The following WDR49 variants were observed in gnomAD, a reference collection of about 807,000 sequenced individuals.
WDR49 encodes the protein WD repeat domain 49, also known as cilia- and flagella-associated protein 337.
A neutral mutation model predicts 119.5 loss-of-function variants in WDR49; 107 were observed. The observed-to-expected ratio is 0.90, with a 90% CI of 0.77 to 1.05. The LOEUF (loss-of-function observed/expected upper bound fraction) is 1.05, where lower values mean the gene tolerates loss of function less well. WDR49 is among the 50% of genes least tolerant of loss of function. WDR49 has a pLI of 0.00. For synonymous variants in WDR49, 425 were observed against 418.8 expected (o/e 1.01, Z -0.18); for missense variants, 1,240 against 1,220.5 (o/e 1.02, Z -0.24).
At chr3:167,657,021 C>G (rs561682800), upstream of WDR49, among the ~76,000 whole-genome samples, 1 of 152,102 alleles carries the variant, frequency 6.6e-6, no homozygotes, top group Non-Finnish European at 1.5e-5. Context: ...TTCTCCCCAC[C>G]GAATAGACAC....
chr3:167,601,603 C>T (rs971454765), intron 7 of WDR49, among the ~76,000 whole-genome samples: 19 of 151,644 alleles, frequency 1.3e-4, no homozygotes, highest in African/African-American at 4.4e-4. Context: ...GGCTCTAGTG[C>T]CATATTTTTT....
intron 2 of WDR49, among the ~76,000 whole-genome samples, chr3:167,642,983 G>A (rs1049410790): frequency 1.3e-5 from 2 of 151,680 alleles, no homozygotes; most frequent in Admixed American, 6.6e-5. Flanking sequence ...AGAGAAGAGG[G>A]GCCGAAGACT....
intron 10 of WDR49, among the ~76,000 whole-genome samples, chr3:167,543,569 G>T (rs1040425801): frequency 6.6e-6 from 1 of 151,812 alleles, no homozygotes; most frequent in African/African-American, 2.4e-5. Context: ...ATGCAGAAAA[G>T]ACATTTGACA....
At chr3:167,546,314 CT>C (rs962188389) in intron 10 of WDR49, among the ~76,000 whole-genome samples, 1 of 151,976 alleles carries the variant, frequency 6.6e-6, no homozygotes, top group Non-Finnish European at 1.5e-5. Context: ...TTAGCTACCA[CT>C]TTCCCCTCAA....
intron 7 of WDR49, 27 bp downstream of exon 7, chr3:167,602,100 A>G (rs766527886): frequency 6.5e-7 from 1 of 1,547,714 alleles, no homozygotes; most frequent in Non-Finnish European, 8.8e-7. Context: ...GCAAAACTAA[A>G]TTAATTAAAA....
intron 17 of WDR49, among the ~76,000 whole-genome samples, chr3:167,503,716 G>A (rs1248175787): frequency 6.6e-6 from 1 of 152,204 alleles, no homozygotes; most frequent in Admixed American, 6.5e-5. Context: ...AAGGTGGCCA[G>A]CAGCAGTGGT....
chr3:167,596,636 C>T (rs1162087625), intron 7 of WDR49, among the ~76,000 whole-genome samples: 107 of 143,704 alleles, frequency 7.4e-4, no homozygotes, highest in African/African-American at 2.3e-3. Context: ...AACCAAACAC[C>T]GCATATTCTC....
chr3:167,598,001 G>A (rs1715572046), intron 7 of WDR49, among the ~76,000 whole-genome samples: 1 of 152,112 alleles, frequency 6.6e-6, no homozygotes, highest in African/African-American at 2.4e-5. Flanking sequence ...GGGCATGATT[G>A]TGTTTTGAAA....
intron 5 of WDR49, among the ~76,000 whole-genome samples, chr3:167,618,134 T>C (rs1716691475): frequency 6.6e-6 from 1 of 152,168 alleles, no homozygotes; most frequent in Non-Finnish European, 1.5e-5. Context: ...GTTCTCTTTC[T>C]CTCTCCCTCA....
chr3:167,542,518 T>G (rs1711908678), intron 10 of WDR49, among the ~76,000 whole-genome samples: 1 of 152,078 alleles, frequency 6.6e-6, no homozygotes, highest in Non-Finnish European at 1.5e-5. Context: ...GAAAATTAAG[T>G]AATCTGCTCC....
intron 7 of WDR49, among the ~76,000 whole-genome samples, chr3:167,585,927 T>C (rs1714791417): frequency 6.6e-6 from 1 of 152,252 alleles, no homozygotes; most frequent in East Asian, 1.9e-4. Flanking sequence ...GCAATTTTTA[T>C]AGGAGGGCAT....
intron 17 of WDR49, 101 bp from the exon 18 acceptor site, chr3:167,500,400 A>T (rs13061345): frequency 0.35 from 493,109 of 1,422,624 alleles, 86,622 homozygotes; most frequent in East Asian, 0.47. Context: ...ACTTTTATAA[A>T]TTTAACCTTC....
At chr3:167,566,754 G>A (rs544490921) in intron 8 of WDR49, 1 of 548,640 alleles carries the variant, frequency 1.8e-6, no homozygotes, top group South Asian at 2.9e-5. Flanking sequence ...ACTACATACT[G>A]TATTCTTACA....
intron 2 of WDR49, chr3:167,633,479 C>T (rs1717465655): frequency 6.6e-6 from 3 of 456,160 alleles, no homozygotes. Context: ...ATCCCAGCTT[C>T]TGTCTTGTCT....
chr3:167,522,932 A>G (rs1159605771), intron 15 of WDR49, among the ~76,000 whole-genome samples: 1 of 152,210 alleles, frequency 6.6e-6, no homozygotes, highest in Non-Finnish European at 1.5e-5. Flanking sequence ...TCTAAAAATT[A>G]TGTGTGTTAT....
At chr3:167,509,594 T>G (rs563321144) in intron 16 of WDR49, among the ~76,000 whole-genome samples, 1 of 152,310 alleles carries the variant, frequency 6.6e-6, no homozygotes, top group African/African-American at 2.4e-5. Flanking sequence ...CCATTTGTAT[T>G]GCTGCTGGAG....
At chr3:167,630,734 G>C (rs935340038) in intron 2 of WDR49, among the ~76,000 whole-genome samples, 3 of 152,100 alleles carry the variant, frequency 2.0e-5, no homozygotes, top group African/African-American at 7.2e-5. Context: ...CTGAACCATT[G>C]TTCCTACGGG....
At chr3:167,602,666 G>A (rs1302712723) in intron 6 of WDR49, among the ~76,000 whole-genome samples, 2 of 152,046 alleles carry the variant, frequency 1.3e-5, no homozygotes, top group Non-Finnish European at 2.9e-5. Flanking sequence ...TATCCCAGGA[G>A]TAAGAAAGAA....
intron 10 of WDR49, among the ~76,000 whole-genome samples, chr3:167,548,954 G>A (rs1343972319): frequency 2.0e-5 from 3 of 152,124 alleles, no homozygotes; most frequent in East Asian, 3.9e-4. Flanking sequence ...TTGGTTTTCC[G>A]TCCTTGCAAT....
Sources: allele counts gnomAD v4.1 joint callset (sites outside exome capture counted in the v4.1 genomes callset), GRCh38; gene constraint gnomAD v4.1.1; transcripts MANE v1.5; gene names NCBI Gene and HGNC (gene_info 2026-07-23, HGNC 2026-07-21).